The following MEGF6 variants were observed in gnomAD, a reference collection of about 807,000 sequenced individuals.
MEGF6 encodes multiple epidermal growth factor-like domains protein 6.
Under a neutral mutation model 207.1 loss-of-function variants are expected in MEGF6, and 184 were observed. The ratio of observed to expected loss-of-function variants is 0.89; its 90% CI spans 0.79 to 1.00. MEGF6 has a LOEUF of 1.00. Ranked by LOEUF, MEGF6 falls within the 50% of genes least tolerant of loss-of-function variation. The pLI is 0.00. For synonymous variants in MEGF6, 1,038 were observed against 910.0 expected (o/e 1.14, Z -2.53); for missense variants, 2,282 against 2,202.9 (o/e 1.04, Z -0.72).
At chr1:3,496,597 G>A in intron 29 of MEGF6, 58 bp downstream of exon 29, 2 of 1,550,960 alleles carry the variant, frequency 1.3e-6, no homozygotes, top group East Asian at 2.4e-5. Context: ...CAGGCTGGCT[G>A]GCCCTACCCT....
chr1:3,606,471 G>A (rs948639281), intron 1 of MEGF6, among the ~76,000 whole-genome samples: 1 of 152,206 alleles, frequency 6.6e-6, no homozygotes, highest in South Asian at 2.1e-4. Flanking sequence ...AGACGCGCAG[G>A]TTACTGAACC....
At chr1:3,530,952 G>A in intron 4 of MEGF6, 2 of 1,282,566 alleles carry the variant, frequency 1.6e-6, no homozygotes, top group Non-Finnish European at 2.0e-6. Flanking sequence ...GCCGGGCACT[G>A]CCCCGCCCTG....
intron 3 of MEGF6, among the ~76,000 whole-genome samples, chr1:3,590,825 A>AG (rs145392575): frequency 6.8e-6 from 1 of 147,574 alleles, no homozygotes; most frequent in East Asian, 2.3e-4. Flanking sequence ...CCTGACCCAC[A>AG]GGGCCCTCTA....
intron 12 of MEGF6, 100 bp downstream of exon 12, chr1:3,508,975 C>T: frequency 7.5e-7 from 1 of 1,338,738 alleles, no homozygotes; most frequent in South Asian, 1.5e-5. Flanking sequence ...GGGGTCCTTC[C>T]TCACGTCCCC....
At chr1:3,552,110 A>C (rs1222443080) in intron 4 of MEGF6, among the ~76,000 whole-genome samples, 1 of 152,198 alleles carries the variant, frequency 6.6e-6, no homozygotes, top group African/African-American at 2.4e-5. Flanking sequence ...CCCAACCCTC[A>C]GGACCCCAGC....
chr1:3,494,145 C>T (rs368612904), intron 32 of MEGF6, 21 bp from the exon 33 acceptor site: 117 of 1,538,966 alleles, frequency 7.6e-5, no homozygotes, highest in South Asian at 4.8e-4. Context: ...CCGGTTACCA[C>T]GAGACAAGGG....
intron 4 of MEGF6, among the ~76,000 whole-genome samples, chr1:3,524,459 C>T (rs1557748867): frequency 2.0e-5 from 3 of 152,210 alleles, no homozygotes; most frequent in Non-Finnish European, 4.4e-5. Context: ...GGAAGAGCCA[C>T]CGCCTCGAGG....
intron 3 of MEGF6, among the ~76,000 whole-genome samples, chr1:3,584,585 C>T (rs1643868414): frequency 6.6e-6 from 1 of 152,242 alleles, no homozygotes; most frequent in South Asian, 2.1e-4. Context: ...ACTCTGGTGA[C>T]TGGCGCCACG....
Position 3,511,538 on chromosome 1 carries a change from G to T in MEGF6, c.1114+12C>A, listed in dbSNP as rs1641343643. The T allele has an allele frequency of 6.3e-7, 1 of 1,597,118 alleles. No homozygotes were observed. The highest frequency in any genetic ancestry group is 8.6e-7 in the Non-Finnish European group (1 of 1,168,440). On this transcript the variant is annotated intron_variant, in intron 9 of 36. Transcript: ENST00000356575. Reference sequence around the variant, plus strand: ...AGTGGGGTGCAGGCATCTGGGAGGAGCCAGTGCGCACCGATGCAGGTCCTC... The same window carrying T: ...AGTGGGGTGCAGGCATCTGGGAGGATCCAGTGCGCACCGATGCAGGTCCTC...
rs1557724558 is a variant in MEGF6 at position 3,502,048 on chromosome 1, CCCG to C, written c.2189-130_2189-128del. On this transcript the variant is annotated intron_variant, in intron 17 of 36. Transcript: ENST00000356575. Reference sequence around the variant, plus strand: ...CATGGGCTCCTGGCGAGTGTGCCCCCCCGGCGCCTCCTCACATGGGCTCCTGGC... The same window carrying C: ...CATGGGCTCCTGGCGAGTGTGCCCCCGCGCCTCCTCACATGGGCTCCTGGC... 1.2e-5 allele frequency: 14 copies of C among 1,190,538 alleles called. 3 individuals carry two copies. Among genetic ancestry groups the C allele is most frequent in the Middle Eastern group, 2.4e-4 (1 of 4,188 alleles). 73.7% of individuals were successfully genotyped at this position (1,190,538 alleles called of 1,614,324 possible).
At chr1:3,502,235 G>A (rs1007147903) in intron 17 of MEGF6, among the ~76,000 whole-genome samples, 13 of 152,174 alleles carry the variant, frequency 8.5e-5, no homozygotes, top group African/African-American at 2.7e-4. Flanking sequence ...AGAGGGGAGG[G>A]GCAGGGCTGC....
chr1:3,548,766 C>T (rs1268708590), intron 4 of MEGF6, among the ~76,000 whole-genome samples: 1 of 152,148 alleles, frequency 6.6e-6, no homozygotes, highest in Non-Finnish European at 1.5e-5. Flanking sequence ...ACACAGCTGG[C>T]CATGTGAGCA....
chr1:3,511,490 C>A, intron 9 of MEGF6, 60 bp downstream of exon 9: 1 of 1,546,338 alleles, frequency 6.5e-7, no homozygotes, highest in Non-Finnish European at 8.8e-7. Context: ...GATCCCAGAC[C>A]CAGGGCAGCA....
chr1:3,510,645 C>G, intron 10 of MEGF6, 138 bp downstream of exon 10: 1 of 1,258,836 alleles, frequency 7.9e-7, no homozygotes. Context: ...TCAACCAACA[C>G]CCACAGCCCC....
intron 4 of MEGF6, among the ~76,000 whole-genome samples, chr1:3,539,462 G>A (rs750382136): frequency 6.6e-5 from 10 of 152,076 alleles, no homozygotes; most frequent in Non-Finnish European, 1.0e-4. Context: ...TCAGCACCTC[G>A]GCCCTGCCAG....
intron 4 of MEGF6, among the ~76,000 whole-genome samples, chr1:3,559,737 T>C (rs895817103): frequency 1.3e-5 from 2 of 151,700 alleles, no homozygotes; most frequent in East Asian, 1.9e-4. Flanking sequence ...CCCGGCCGGG[T>C]ACGGTGGCTC....
chr1:3,512,420 C>T (rs141500316), intron 7 of MEGF6, among the ~76,000 whole-genome samples: 149 of 152,366 alleles, frequency 9.8e-4, no homozygotes, highest in African/African-American at 3.1e-3. Context: ...CCACACACCA[C>T]GACACCCCGT....
At chr1:3,621,293 CA>C in the MEGF6 span, among the ~76,000 whole-genome samples, 1 of 152,218 alleles carries the variant, frequency 6.6e-6, no homozygotes, top group Admixed American at 6.5e-5. Context: ...CGCTTGGTAA[CA>C]GGCGTCTTCC....
Position 3,515,423 on chromosome 1 carries a change from C to A in MEGF6, c.709G>T (p.Glu237Ter). Reference protein sequence around the residue: ...CQCRPGFQLQEDGRHCVRRSP... With the variant: ...CQCRPGFQLQ Reference sequence around the variant, plus strand: ...TCACGGACACAATGCCTGCCGTCCTCCTGGAGCTGGAACCCGGGCCGGCAC... The same window carrying A: ...TCACGGACACAATGCCTGCCGTCCTACTGGAGCTGGAACCCGGGCCGGCAC... The change falls in exon 6 of 37, where the codon GAG (glutamate) becomes TAG (stop). Residue 237 changes from glutamate to a stop codon, truncating the protein, a stop_gained. Transcript: ENST00000356575. LOFTEE classifies it high-confidence loss of function. The A allele has an allele frequency of 6.2e-7, 1 of 1,612,360 alleles. No individual in the cohort carries two copies. Among genetic ancestry groups the A allele is most frequent in the East Asian group, 2.2e-5 (1 of 44,872 alleles).
Sources: gnomAD v4.1 joint callset for allele counts (sites outside exome capture counted in the v4.1 genomes callset) on GRCh38, gnomAD v4.1.1 for gene constraint, MANE v1.5 for transcripts, NCBI Gene and HGNC (gene_info 2026-07-23, HGNC 2026-07-21) for gene names.